CPEB1: variants seen among roughly 807,000 people sequenced by gnomAD.
CPEB1 encodes the protein cytoplasmic polyadenylation element-binding protein 1.
CPEB1 carries 7 observed loss-of-function variants against 65.8 expected under a neutral mutation model. The observed-to-expected ratio is 0.11, with a 90% CI of 0.06 to 0.20. CPEB1 has a LOEUF of 0.20. Ranked by LOEUF, CPEB1 falls within the 10% of genes least tolerant of loss-of-function variation. The probability of loss-of-function intolerance (pLI) is 1.00; values close to 1 mark genes in which losing one functional copy is unlikely to be tolerated. For synonymous variants in CPEB1, 262 were observed against 260.0 expected (o/e 1.01, Z -0.08); for missense variants, 551 against 712.2 (o/e 0.77, Z 2.58).
chr15:82,591,155 T>C lies in CPEB1; in HGVS notation c.272-19623A>G, dbSNP rs879427598. 5.7e-3 allele frequency among the ~76,000 whole-genome samples: 857 copies of C among 150,964 alleles called. 4 individuals carry two copies. Among genetic ancestry groups the C allele is most frequent in the Non-Finnish European group, 9.0e-3 (602 of 67,198 alleles). ...CCAACAGTGTGTAAGCGTTCCCTTT[T>C]CCCCCCCGCCACAATCTTACCAGCA... On this transcript the variant is annotated intron_variant, in intron 3 of 12. Transcript: ENST00000684509.
intron 3 of CPEB1, among the ~76,000 whole-genome samples, chr15:82,591,510 G>A (rs1351941895): frequency 2.6e-5 from 4 of 152,010 alleles, no homozygotes; most frequent in Admixed American, 2.0e-4. Flanking sequence ...CAGGTGATCC[G>A]CCCACCTCGG....
chr15:82,546,521 C>T lies in CPEB1; in HGVS notation c.1576G>A (p.Val526Ile), dbSNP rs748826949. The change falls in exon 12 of 13, where the codon GTT becomes ATT. Residue 526 changes from valine (V) to isoleucine (I), a missense_variant and splice_region_variant. Coordinates refer to ENST00000684509, the MANE Select transcript of CPEB1 (RefSeq NM_001365242.1). ...TCTTCTAGGTAGGGGTCAATCTGAA[C>T]CTGCACAAAGGCAAAATAAGATGAT... ...EIKTTKFTKK[V>I]QIDPYLEDSL... 5.6e-6 allele frequency: 9 copies of T among 1,613,120 alleles called. No individual in the cohort carries two copies. The African/African-American group carries it at 9.4e-5, about 17-fold the overall frequency.
At chr15:82,550,187 T>C (rs1182451200) in intron 9 of CPEB1, among the ~76,000 whole-genome samples, 5 of 152,090 alleles carry the variant, frequency 3.3e-5, no homozygotes, top group Non-Finnish European at 7.4e-5. Context: ...GGCGAGAGGT[T>C]GGGTAGAAAG....
At chr15:82,582,876 C>T (rs953218894) in intron 3 of CPEB1, among the ~76,000 whole-genome samples, 10 of 151,324 alleles carry the variant, frequency 6.6e-5, no homozygotes, top group Non-Finnish European at 1.3e-4. Flanking sequence ...CTGAGTAGCT[C>T]GGACAACAGA....
At chr15:82,574,722 C>CAAAAAAAAAAAAAAAAAAAAAAAAAAA (rs534968367) in intron 3 of CPEB1, among the ~76,000 whole-genome samples, 2 of 53,506 alleles carry the variant, frequency 3.7e-5, no homozygotes, top group African/African-American at 7.3e-5. Context: ...GACTCGGTCT[C>CAAAAAAAAAAAAAAAAAAAAAAAAAAA]AAAAAAAAAA....
At chr15:82,552,017 G>C (rs2036345832) in intron 9 of CPEB1, among the ~76,000 whole-genome samples, 1 of 152,198 alleles carries the variant, frequency 6.6e-6, no homozygotes, top group African/African-American at 2.4e-5. Flanking sequence ...ATGAAGAAGT[G>C]ACCCACAGGT....
rs140256057 is a variant in CPEB1, at chr15:82,609,966, G to A, written c.271+17227C>T. Among the ~76,000 whole-genome samples the A allele has an allele frequency of 2.5e-4, 38 of 151,530 alleles. 1 individual carries two copies. In the East Asian group the frequency reaches 3.5e-3, roughly 14 times the overall value. ...TATCAGCTACTTGGGAGGCTGAGGC[G>A]GGAGAATCGCTTGAACCTGGGAGGT... On this transcript the variant is annotated intron_variant, in intron 3 of 12. Transcript: ENST00000684509.
intron 5 of CPEB1, 100 bp from the exon 6 acceptor site, chr15:82,556,222 G>C (rs1228516506): frequency 1.6e-6 from 2 of 1,287,066 alleles, no homozygotes; most frequent in Non-Finnish European, 2.1e-6. Flanking sequence ...TAGACATTTA[G>C]CATTTGATAT....
chr15:82,553,958 T>C lies in CPEB1; in HGVS notation c.974A>G (p.Gln325Arg), dbSNP rs769544216. The C allele has an allele frequency of 3.7e-6, 6 of 1,611,696 alleles. No homozygotes were observed. Among genetic ancestry groups the C allele is most frequent in the African/African-American group, 1.3e-5 (1 of 74,750 alleles). ...VNEATCTWSG[Q>R]LPPRNYKNPI... ...GTTCTTATAGTTCCGGGGAGGAAGC[T>C]GGCCACTCCAGGTACAGGTGGCTTC... is the stretch of plus-strand genomic sequence containing the variant. Residue 325 changes from glutamine to arginine, a missense_variant, in exon 7 of 13, where the codon CAG (glutamine) becomes CGG (arginine). Transcript: ENST00000684509.
intron 3 of CPEB1, among the ~76,000 whole-genome samples, chr15:82,594,217 T>A (rs1410164050): frequency 6.6e-6 from 1 of 152,224 alleles, no homozygotes; most frequent in African/African-American, 2.4e-5. Flanking sequence ...ACATTGAGAA[T>A]CTGTTGTTGA....
At chr15:82,551,642 G>A (rs367906659) in intron 9 of CPEB1, among the ~76,000 whole-genome samples, 2 of 151,908 alleles carry the variant, frequency 1.3e-5, no homozygotes, top group East Asian at 3.9e-4. Flanking sequence ...TAGAAGAGAA[G>A]AGGAAACAAA....
chr15:82,546,566 G>A lies in CPEB1; in HGVS notation c.1576-45C>T, dbSNP rs189401826. 6.9e-6 allele frequency: 10 copies of A among 1,456,066 alleles called. No individual in the cohort carries two copies. The African/African-American group carries it at 9.8e-5, about 14-fold the overall frequency. The allele number at this position is 1,456,066 out of a possible 1,614,324, so 90.2% of individuals were successfully genotyped here. ...GATGATGAAGTGGCTCTTCTTACCA[G>A]GAGGCTCGATAGGCGATAGAAGAAG... On this transcript the variant is annotated intron_variant, in intron 11 of 12. Transcript: ENST00000684509.
rs115407796 is a variant in CPEB1, at chr15:82,556,278, T to C, written c.688-156A>G. ...CCTGAGCAATTTTGATTAGTTCTAG[T>C]TATACTATAATTTAAACAAATGCTC... On this transcript the variant is annotated intron_variant, in intron 5 of 12. Coordinates refer to ENST00000684509, the MANE Select transcript of CPEB1 (RefSeq NM_001365242.1). The C allele has an allele frequency of 2.4e-3, 1,893 of 805,406 alleles. 23 individuals are homozygous for C. The African/African-American group carries it at 0.031, about 13-fold the overall frequency. 49.9% of individuals were successfully genotyped at this position (805,406 alleles called of 1,614,324 possible). A position where few individuals can be genotyped will look rare whatever the true frequency, so the allele number is the denominator to read the frequency against.
At chr15:82,626,314 A>G (rs1026454232) in intron 3 of CPEB1, among the ~76,000 whole-genome samples, 2 of 151,896 alleles carry the variant, frequency 1.3e-5, no homozygotes, top group African/African-American at 4.8e-5. Context: ...CGTGCCTGTA[A>G]TCCCAGCTAC....
At chr15:82,546,615 G>C (rs2035267300) in intron 11 of CPEB1, 94 bp from the exon 12 acceptor site, 2 of 892,582 alleles carry the variant, frequency 2.2e-6, no homozygotes, top group Admixed American at 3.7e-5. Context: ...CCACACACAG[G>C]AATGCGGGAT....
rs1346057843 is a variant in CPEB1 at position 82,630,450 on chromosome 15, CA to C, written c.-97-1895del. Among the ~76,000 whole-genome samples, 4 of 152,104 alleles carry C rather than the reference CA, an allele frequency of 2.6e-5. No homozygotes were observed. The East Asian group carries it at 7.8e-4, about 29-fold the overall frequency. ...CGAAACCCTGTTTCTACAAAAAATACAAAACATTAGACAGGTATGGTGGTAC... is the reference window on the plus strand; with the variant it reads ...CGAAACCCTGTTTCTACAAAAAATACAAACATTAGACAGGTATGGTGGTAC... On this transcript the variant is annotated intron_variant, in intron 1 of 12. Transcript: ENST00000684509.
intron 1 of CPEB1, among the ~76,000 whole-genome samples, chr15:82,634,891 T>C (rs1442122577): frequency 6.6e-6 from 1 of 152,226 alleles, no homozygotes; most frequent in Admixed American, 6.5e-5. Context: ...AGAGTCTCGC[T>C]CTGTCGCCCA....
At position 82,543,724 on chromosome 15, in the gene CPEB1, A is replaced by G. The variant is rs960467945; in HGVS notation, c.*868T>C. 4 of 151,644 alleles carry G rather than the reference A, an allele frequency of 2.6e-5. No homozygotes were observed. The highest frequency in any genetic ancestry group is 6.6e-5 in the Admixed American group (1 of 15,216). 9.4% of individuals were successfully genotyped at this position (151,644 alleles called of 1,614,324 possible). On this transcript the variant is annotated 3_prime_UTR_variant, in exon 13 of 13. Coordinates refer to ENST00000684509, the MANE Select transcript of CPEB1 (RefSeq NM_001365242.1). ...ACTTCTATCAACCCCACCCCCCCAC[A>G]TAAGTGCAACTTAAGGAGGTGCAAT... is the stretch of plus-strand genomic sequence containing the variant.
intron 3 of CPEB1, among the ~76,000 whole-genome samples, chr15:82,593,043 T>C (rs778776357): frequency 4.6e-5 from 7 of 152,038 alleles, no homozygotes; most frequent in Non-Finnish European, 1.0e-4. Flanking sequence ...CTTCAGTGAG[T>C]CATAATCTTA....
Sources: gnomAD v4.1 joint callset for allele counts (sites outside exome capture counted in the v4.1 genomes callset) on GRCh38, gnomAD v4.1.1 for gene constraint, MANE v1.5 for transcripts, NCBI Gene and HGNC (gene_info 2026-07-23, HGNC 2026-07-21) for gene names.